The following C1QTNF3 variants were observed in gnomAD, a reference collection of about 807,000 sequenced individuals.
C1QTNF3 encodes complement C1q tumor necrosis factor-related protein 3.
A neutral mutation model predicts 32.6 loss-of-function variants in C1QTNF3; 26 were observed. That is an observed-to-expected ratio of 0.80 (90% CI 0.58 to 1.11). C1QTNF3 has a LOEUF of 1.11. C1QTNF3 is among the 50% of genes least tolerant of loss of function. C1QTNF3 has a pLI of 0.00. For missense variants in C1QTNF3, 362 were observed against 398.2 expected (o/e 0.91, Z 0.77); for synonymous variants, 155 against 146.0 (o/e 1.06, Z -0.44).
the C1QTNF3 span, among the ~76,000 whole-genome samples, chr5:34,084,006 C>T: frequency 6.6e-6 from 1 of 151,724 alleles, no homozygotes; most frequent in Non-Finnish European, 1.5e-5. Flanking sequence ...AATTATCTAG[C>T]CATTCCCCTA....
At chr5:34,226,796 G>C in the C1QTNF3 span, among the ~76,000 whole-genome samples, 1 of 151,450 alleles carries the variant, frequency 6.6e-6, no homozygotes, top group Non-Finnish European at 1.5e-5. Flanking sequence ...TTACAATGAA[G>C]CTAGTTACAG....
the C1QTNF3 span, among the ~76,000 whole-genome samples, chr5:34,081,380 A>T: frequency 6.6e-6 from 1 of 151,734 alleles, no homozygotes; most frequent in Non-Finnish European, 1.5e-5. Flanking sequence ...TTCTTAAAGA[A>T]GCAAAGTTCC....
chr5:34,040,368 C>T (rs1280336375), intron 1 of C1QTNF3, among the ~76,000 whole-genome samples: 1 of 151,876 alleles, frequency 6.6e-6, no homozygotes, highest in Non-Finnish European at 1.5e-5. Context: ...GAAGGAGAGT[C>T]ATAGCTCCTT....
chr5:34,112,231 CCAA>C, the C1QTNF3 span, among the ~76,000 whole-genome samples: 2 of 152,082 alleles, frequency 1.3e-5, no homozygotes, highest in Non-Finnish European at 2.9e-5. Flanking sequence ...GATTTTATTA[CCAA>C]GATGTATTCT....
intron 3 of C1QTNF3, 63 bp from the exon 4 acceptor site, chr5:34,028,946 C>A: frequency 2.0e-6 from 3 of 1,471,128 alleles, no homozygotes; most frequent in South Asian, 2.4e-5. Flanking sequence ...AGTTTTTATG[C>A]AGATTAGTTT....
the C1QTNF3 span, among the ~76,000 whole-genome samples, chr5:34,082,725 C>T: frequency 6.6e-6 from 1 of 151,802 alleles, no homozygotes; most frequent in African/African-American, 2.4e-5. Flanking sequence ...GAGAAAGCAA[C>T]AGACAAGGGT....
the C1QTNF3 span, among the ~76,000 whole-genome samples, chr5:34,130,062 T>A: frequency 6.6e-6 from 1 of 152,060 alleles, no homozygotes; most frequent in Non-Finnish European, 1.5e-5. Flanking sequence ...GTTCATATGT[T>A]TGGACCATTT....
the C1QTNF3 span, among the ~76,000 whole-genome samples, chr5:34,241,742 A>T: frequency 5.5e-5 from 8 of 146,054 alleles, no homozygotes; most frequent in South Asian, 4.3e-4. Context: ...ATCTATACAA[A>T]TTTTTTTTTT....
chr5:34,026,952 A>C (rs1754476659), intron 4 of C1QTNF3, among the ~76,000 whole-genome samples: 1 of 152,226 alleles, frequency 6.6e-6, no homozygotes, highest in Non-Finnish European at 1.5e-5. Flanking sequence ...GCCAGACAAT[A>C]AATGGAATGA....
the C1QTNF3 span, among the ~76,000 whole-genome samples, chr5:34,159,575 C>T: frequency 6.6e-6 from 1 of 151,906 alleles, no homozygotes; most frequent in African/African-American, 2.4e-5. Context: ...TTTATTGAAA[C>T]ATGCATATTT....
At chr5:34,134,824 G>A in the C1QTNF3 span, among the ~76,000 whole-genome samples, 1 of 152,260 alleles carries the variant, frequency 6.6e-6, no homozygotes, top group East Asian at 1.9e-4. Flanking sequence ...GATTTTGGGT[G>A]GAGACGATGA....
chr5:34,177,488 T>A, the C1QTNF3 span, among the ~76,000 whole-genome samples: 1 of 142,334 alleles, frequency 7.0e-6, no homozygotes, highest in African/African-American at 2.7e-5. Flanking sequence ...AACTTTTTTT[T>A]TTTTTTTTTT....
At chr5:34,169,926 T>A in the C1QTNF3 span, among the ~76,000 whole-genome samples, 2 of 152,132 alleles carry the variant, frequency 1.3e-5, no homozygotes, top group Non-Finnish European at 2.9e-5. Context: ...CACTCTTATT[T>A]CTAGATACAT....
intron 1 of C1QTNF3, among the ~76,000 whole-genome samples, chr5:34,038,103 G>A (rs1754785150): frequency 6.6e-6 from 1 of 152,184 alleles, no homozygotes; most frequent in Non-Finnish European, 1.5e-5. Flanking sequence ...CCTTAGAGAA[G>A]TCGCTGTTCT....
the C1QTNF3 span, among the ~76,000 whole-genome samples, chr5:34,088,100 G>T: frequency 6.6e-6 from 1 of 152,272 alleles, no homozygotes; most frequent in Non-Finnish European, 1.5e-5. Context: ...GTTAAATATG[G>T]TGCTCAATAA....
chr5:34,044,205 A>C (rs1186204505), upstream of C1QTNF3, among the ~76,000 whole-genome samples: 1 of 152,236 alleles, frequency 6.6e-6, no homozygotes, highest in Non-Finnish European at 1.5e-5. Flanking sequence ...TAATTCAGCC[A>C]AAAAGAAAAT....
At chr5:34,056,252 C>T in the C1QTNF3 span, among the ~76,000 whole-genome samples, 1 of 151,780 alleles carries the variant, frequency 6.6e-6, no homozygotes, top group Non-Finnish European at 1.5e-5. Context: ...AGTGAGGGAA[C>T]AGAGTCAATG....
At chr5:34,048,621 G>C in the C1QTNF3 span, among the ~76,000 whole-genome samples, 2 of 150,858 alleles carry the variant, frequency 1.3e-5, no homozygotes, top group African/African-American at 4.9e-5. Flanking sequence ...ATAGAAAGAA[G>C]TTGACCTGGA....
At chr5:34,072,179 G>C in the C1QTNF3 span, among the ~76,000 whole-genome samples, 2 of 151,264 alleles carry the variant, frequency 1.3e-5, no homozygotes, top group East Asian at 3.9e-4. Context: ...GGGGGAATGG[G>C]GTCTCCCTTT....
Sources: allele counts gnomAD v4.1 joint callset (sites outside exome capture counted in the v4.1 genomes callset), GRCh38; gene constraint gnomAD v4.1.1; transcripts MANE v1.5; gene names NCBI Gene and HGNC (gene_info 2026-07-23, HGNC 2026-07-21).